UPB1: variants seen among roughly 807,000 people sequenced by gnomAD.
UPB1 encodes the protein beta-ureidopropionase.
In UPB1, 40 loss-of-function variants were observed where a neutral mutation model predicts 49.1. The observed-to-expected ratio is 0.81, with a 90% CI of 0.63 to 1.06. The LOEUF (loss-of-function observed/expected upper bound fraction) is 1.06, where lower values mean the gene tolerates loss of function less well. Among genes scored for constraint, UPB1 ranks in the 50% least tolerant of loss-of-function variants. UPB1 has a pLI of 0.00. For synonymous variants in UPB1, 207 were observed against 198.2 expected (o/e 1.04, Z -0.38); for missense variants, 499 against 505.9 (o/e 0.99, Z 0.13).
rs568635306 is a variant in UPB1, at chr22:24,500,882, T to C, written c.276+604T>C. Among the ~76,000 whole-genome samples, 5 of 152,326 alleles carry C rather than the reference T, an allele frequency of 3.3e-5. No individual in the cohort carries two copies. In the East Asian group the frequency reaches 9.6e-4, roughly 29 times the overall value. On this transcript the variant is annotated intron_variant, in intron 2 of 9. Transcript: ENST00000326010. ...AGCATTCCTCCAGCTGCTCAAACTT[T>C]CAGGGATTTTCCTGCACAGGTTTCC...
At chr22:24,514,070 G>A (rs1212077167) in intron 5 of UPB1, among the ~76,000 whole-genome samples, 1 of 152,174 alleles carries the variant, frequency 6.6e-6, no homozygotes, top group African/African-American at 2.4e-5. Context: ...ACCCCTGGGT[G>A]GGTAAGATGG....
Position 24,521,632 on chromosome 22 carries a change from C to T in UPB1, c.874-354C>T, listed in dbSNP as rs140338. Among the ~76,000 whole-genome samples the T allele has an allele frequency of 2.6e-5, 4 of 152,124 alleles. No homozygotes were observed. The East Asian group carries it at 5.8e-4, about 22-fold the overall frequency. Reference sequence around the variant, plus strand: ...ACCTGCCCACTGCCTTCACACACCCCGGCCTGGGGTTTTAATTACTTCAAG... The same window carrying T: ...ACCTGCCCACTGCCTTCACACACCCTGGCCTGGGGTTTTAATTACTTCAAG... On this transcript the variant is annotated intron_variant, in intron 7 of 9. Transcript: ENST00000326010.
In UPB1 at chr22:24,502,106, A is replaced by G; in HGVS notation, c.277-20A>G. The G allele has an allele frequency of 6.2e-7, 1 of 1,613,592 alleles. No homozygotes were observed. The highest frequency in any genetic ancestry group is 8.5e-7 in the Non-Finnish European group (1 of 1,179,466). On this transcript the variant is annotated intron_variant, in intron 2 of 9. Coordinates refer to ENST00000326010, the MANE Select transcript of UPB1 (RefSeq NM_016327.3). ...TTACCAATAGAACTAAATGGATTCT[A>G]ATCCTTTTTAAATTCTCAGGTCTCT... is the stretch of plus-strand genomic sequence containing the variant.
chr22:24,511,395 A>AGGAAGG (rs1365189606), intron 4 of UPB1, among the ~76,000 whole-genome samples: 1 of 152,094 alleles, frequency 6.6e-6, no homozygotes, highest in Non-Finnish European at 1.5e-5. Flanking sequence ...GGAGGAAGGG[A>AGGAAGG]GTGACTGCTA....
At chr22:24,520,020 C>T (rs2044359179) in intron 6 of UPB1, 1 of 344,392 alleles carries the variant, frequency 2.9e-6, no homozygotes. Context: ...ATTCAGTCTT[C>T]ATAGTCTTCT....
intron 5 of UPB1, among the ~76,000 whole-genome samples, chr22:24,514,274 C>T (rs1184651833): frequency 6.6e-6 from 1 of 152,054 alleles, no homozygotes; most frequent in Non-Finnish European, 1.5e-5. Context: ...GAGGAGGTTT[C>T]CCAGGGAGAA....
intron 8 of UPB1, among the ~76,000 whole-genome samples, chr22:24,522,651 G>A (rs931322240): frequency 7.9e-5 from 12 of 151,918 alleles, no homozygotes; most frequent in African/African-American, 2.4e-4. Context: ...CCAGGAGGAG[G>A]CCAGGCATGG....
chr22:24,523,541 C>T (rs1220523119), intron 8 of UPB1, 78 bp from the exon 9 acceptor site: 1 of 1,604,340 alleles, frequency 6.2e-7, no homozygotes, highest in East Asian at 2.2e-5. Context: ...CTGGGCCTGC[C>T]TCAAGGTGCC....
intron 5 of UPB1, among the ~76,000 whole-genome samples, chr22:24,513,713 C>A (rs1457301929): frequency 6.6e-6 from 1 of 152,216 alleles, no homozygotes; most frequent in Non-Finnish European, 1.5e-5. Context: ...GTCCCAAACA[C>A]CTTTAGCACA....
chr22:24,526,041 A>G lies in UPB1; in HGVS notation c.*247A>G, dbSNP rs950936976. ...ATGTACTAAATGCCACTGAATTTGT[A>G]TACTTCAGAATGTTTGTTATGTAAA... On this transcript the variant is annotated 3_prime_UTR_variant, in exon 10 of 10. Coordinates refer to ENST00000326010, the MANE Select transcript of UPB1 (RefSeq NM_016327.3). 8 of 526,156 alleles carry G rather than the reference A, an allele frequency of 1.5e-5. No homozygotes were observed. The highest frequency in any genetic ancestry group is 9.6e-5 in the African/African-American group (5 of 51,872). 32.6% of individuals were successfully genotyped at this position (526,156 alleles called of 1,614,324 possible).
At chr22:24,507,330 A>G (rs2044108061) in intron 3 of UPB1, among the ~76,000 whole-genome samples, 1 of 152,164 alleles carries the variant, frequency 6.6e-6, no homozygotes, top group South Asian at 2.1e-4. Context: ...CAAGGCCCCC[A>G]GGACTGTTGC....
intron 5 of UPB1, 41 bp from the exon 6 acceptor site, chr22:24,515,160 T>G: frequency 6.2e-7 from 1 of 1,613,458 alleles, no homozygotes; most frequent in Non-Finnish European, 8.5e-7. Flanking sequence ...AAGGAAATCT[T>G]GAAGGTCAGA....
intron 2 of UPB1, 152 bp downstream of exon 2, chr22:24,500,430 C>A: frequency 1.1e-6 from 1 of 926,148 alleles, no homozygotes; most frequent in Admixed American, 2.3e-5. Flanking sequence ...GGCCTCCCCA[C>A]ATCCCTCCAG....
chr22:24,508,891 GA>G (rs370430159), intron 3 of UPB1, among the ~76,000 whole-genome samples: 2 of 150,878 alleles, frequency 1.3e-5, no homozygotes. Context: ...CAAAAGAAAA[GA>G]AAAAAAGAAA....
At position 24,522,001 on chromosome 22, in the gene UPB1, G is replaced by A. The variant is rs764280358; in HGVS notation, c.889G>A (p.Glu297Lys). Residue 297 changes from glutamate (E) to lysine (K), a missense_variant, in exon 8 of 10, where the codon GAG (glutamate) becomes AAG (lysine). Glu to Lys is a moderately conservative substitution (Grantham distance 56). Coordinates refer to ENST00000326010, the MANE Select transcript of UPB1 (RefSeq NM_016327.3). ...NRVGTEHFPN[E>K]FTSGDGKKAH... ...TATTTCACAGGAGCACTTCCCGAAC[G>A]AGTTTACCTCGGGAGATGGAAAGAA... 3.2e-5 allele frequency: 52 copies of A among 1,614,032 alleles called. No homozygotes were observed. Among genetic ancestry groups the A allele is most frequent in the East Asian group, 1.8e-4 (8 of 44,890 alleles).
chr22:24,500,395 G>A lies in UPB1; in HGVS notation c.276+117G>A, dbSNP rs1428284665. Reference sequence around the variant, plus strand: ...GGGTCTGCAGGCTTGGGCGCCTCAAGCAGTAGCAGAGGCGCTTCTGCCCTG... The same window carrying A: ...GGGTCTGCAGGCTTGGGCGCCTCAAACAGTAGCAGAGGCGCTTCTGCCCTG... On this transcript the variant is annotated intron_variant, in intron 2 of 9. Transcript: ENST00000326010. The A allele has an allele frequency of 3.5e-6, 5 of 1,420,134 alleles. No individual in the cohort carries two copies. In the East Asian group the frequency reaches 1.2e-4, roughly 34 times the overall value. The allele number at this position is 1,420,134 out of a possible 1,614,324, so 88.0% of individuals were successfully genotyped here.
rs563616424 is a variant in UPB1 at position 24,495,439 on chromosome 22, C to T, written c.36C>T (p.Cys12=). Residue 12 remains cysteine (C), a synonymous_variant, in exon 1 of 10, where the codon TGC becomes TGT. Coordinates refer to ENST00000326010, the MANE Select transcript of UPB1 (RefSeq NM_016327.3). ...AGAEWKSLEE[C]LEKHLPLPDL... ...CTGAGTGGAAGTCGCTGGAGGAATGCTTGGAGAAGCACCTGCCGCTCCCCG... is the reference window on the plus strand; with the variant it reads ...CTGAGTGGAAGTCGCTGGAGGAATGTTTGGAGAAGCACCTGCCGCTCCCCG... 25 of 1,613,712 alleles carry T rather than the reference C, an allele frequency of 1.5e-5. No homozygotes were observed. In the African/African-American group the frequency reaches 2.3e-4, roughly 15 times the overall value.
chr22:24,506,227 G>A lies in UPB1; in HGVS notation c.364+4014G>A, dbSNP rs532421459. ...GTAGAGACCAGGCTTCACCATGTTG[G>A]CCAGGCTGGTCTCGAATTCCTGACC... On this transcript the variant is annotated intron_variant, in intron 3 of 9. Coordinates refer to ENST00000326010, the MANE Select transcript of UPB1 (RefSeq NM_016327.3). Among the ~76,000 whole-genome samples, 18 of 151,646 alleles carry A rather than the reference G, an allele frequency of 1.2e-4. No homozygotes were observed. The East Asian group carries it at 3.5e-3, about 29-fold the overall frequency.
chr22:24,510,721 A>G (rs188348681), intron 3 of UPB1, 28 bp from the exon 4 acceptor site: 4 of 1,611,022 alleles, frequency 2.5e-6, no homozygotes, highest in East Asian at 4.5e-5. Flanking sequence ...CATGTTGGAT[A>G]TAATTCTGCC....
Sources: allele counts gnomAD v4.1 joint callset (sites outside exome capture counted in the v4.1 genomes callset), GRCh38; gene constraint gnomAD v4.1.1; transcripts MANE v1.5; gene names NCBI Gene and HGNC (gene_info 2026-07-23, HGNC 2026-07-21).